CEP120: variants seen among roughly 807,000 people sequenced by gnomAD.
CEP120 encodes the protein centrosomal protein of 120 kDa.
Under a neutral mutation model 126.5 loss-of-function variants are expected in CEP120, and 113 were observed. That is an observed-to-expected ratio of 0.89 (90% CI 0.77 to 1.04). The LOEUF (loss-of-function observed/expected upper bound fraction) is 1.04. Ranked by LOEUF, CEP120 falls within the 50% of genes least tolerant of loss-of-function variation. The pLI, the probability that CEP120 is intolerant of heterozygous loss-of-function variation, is 0.00. For missense variants in CEP120, 1,230 were observed against 1,155.7 expected (o/e 1.06, Z -0.93); for synonymous variants, 400 against 394.3 (o/e 1.01, Z -0.17).
In CEP120 at chr5:123,391,244, G is replaced by C; in HGVS notation, c.904C>G (p.Pro302Ala). The change falls in exon 7 of 20, where the codon CCA becomes GCA. Residue 302 changes from proline (P) to alanine (A), a missense_variant. By Grantham distance (27) the Pro-to-Ala change is conservative. Transcript: ENST00000306467. The stretch of plus-strand genomic sequence containing the variant: ...GTAAAAGCACCTTCGACTGTGACTG[G>C]GTGCTGGTTGATTTCTGTACTGCCC... Reference protein sequence around the residue: ...KKGSTEINQHPVTVEGAFTLD... With the variant: ...KKGSTEINQHAVTVEGAFTLD... 6.2e-7 allele frequency: 1 copy of C among 1,614,108 alleles called. No homozygotes were observed. Among genetic ancestry groups the C allele is most frequent in the East Asian group, 2.2e-5 (1 of 44,870 alleles).
chr5:123,365,451 C>G (rs1770388327), intron 17 of CEP120, among the ~76,000 whole-genome samples: 1 of 151,544 alleles, frequency 6.6e-6, no homozygotes, highest in Non-Finnish European at 1.5e-5. Context: ...TTACTCTGAA[C>G]CGGTCTAATT....
intron 14 of CEP120, among the ~76,000 whole-genome samples, chr5:123,379,538 C>CTTAT (rs1455284889): frequency 6.6e-6 from 1 of 151,992 alleles, no homozygotes; most frequent in African/African-American, 2.4e-5. Flanking sequence ...TAAAATGGTA[C>CTTAT]ATAACTACCA....
chr5:123,379,381 A>C (rs1771487024), intron 14 of CEP120, among the ~76,000 whole-genome samples: 4 of 152,110 alleles, frequency 2.6e-5, no homozygotes, highest in African/African-American at 9.7e-5. Context: ...CCTCCATCAG[A>C]ATTATTGTTA....
intron 2 of CEP120, among the ~76,000 whole-genome samples, chr5:123,417,669 G>A (rs1774469431): frequency 6.6e-6 from 1 of 151,146 alleles, no homozygotes; most frequent in African/African-American, 2.4e-5. Flanking sequence ...TAATGAGTAG[G>A]TATCATCAAG....
Position 123,355,308 on chromosome 5 carries a change from G to A in CEP120, c.2581-5219C>T, listed in dbSNP as rs150503701. 6.2e-3 allele frequency among the ~76,000 whole-genome samples: 947 copies of A among 152,258 alleles called. 9 individuals carry two copies. Among genetic ancestry groups the A allele is most frequent in the African/African-American group, 0.021 (889 of 41,558 alleles). On this transcript the variant is annotated intron_variant, in intron 18 of 19. Transcript: ENST00000306467. ...TCCTTTGGGTATATACCCAGTAAGG[G>A]GATGGCTGGGTCAAATGGTATTTCT...
chr5:123,351,047 AT>A (rs1378813127), intron 18 of CEP120, among the ~76,000 whole-genome samples: 8 of 152,076 alleles, frequency 5.3e-5, no homozygotes, highest in Non-Finnish European at 7.4e-5. Flanking sequence ...TTTGTTAACT[AT>A]TTTTTTAAAG....
At chr5:123,392,913 C>T (rs976556223) in intron 6 of CEP120, among the ~76,000 whole-genome samples, 2 of 152,150 alleles carry the variant, frequency 1.3e-5, no homozygotes, top group Non-Finnish European at 2.9e-5. Context: ...CTTTTAACGG[C>T]AGTAAGGCAT....
chr5:123,375,787 C>T (rs1359897459), intron 16 of CEP120, among the ~76,000 whole-genome samples: 2 of 152,088 alleles, frequency 1.3e-5, no homozygotes, highest in East Asian at 3.9e-4. Context: ...ACTTTTACAA[C>T]TTTATCTTTT....
chr5:123,387,884 C>T (rs1772128977), intron 9 of CEP120, among the ~76,000 whole-genome samples: 1 of 151,824 alleles, frequency 6.6e-6, no homozygotes, highest in African/African-American at 2.4e-5. Context: ...TAATATAGAA[C>T]AATGTAGACA....
At chr5:123,399,030 TAAAAA>T in intron 5 of CEP120, 101 bp downstream of exon 5, 1 of 673,242 alleles carries the variant, frequency 1.5e-6, no homozygotes, top group Non-Finnish European at 2.2e-6. Context: ...TTTCAAAAGT[TAAAAA>T]AAAAAAGTCT....
rs536704506 is a variant in CEP120, at chr5:123,413,410, T to C, written c.322-870A>G. On this transcript the variant is annotated intron_variant, in intron 3 of 19. Transcript: ENST00000306467. ...GTGGATTATGAACCAGGTACTTGAC[T>C]GATACTCGAACAAAAGCCTTCTTAC... is the stretch of plus-strand genomic sequence containing the variant. 2.6e-5 allele frequency among the ~76,000 whole-genome samples: 4 copies of C among 152,316 alleles called. No individual in the cohort carries two copies. In the South Asian group the frequency reaches 8.3e-4, roughly 32 times the overall value.
intron 7 of CEP120, among the ~76,000 whole-genome samples, chr5:123,390,647 C>T (rs181010409): frequency 2.1e-3 from 325 of 151,970 alleles, no homozygotes; most frequent in African/African-American, 7.7e-3. Context: ...GGAATAGATA[C>T]AATAAAAAAA....
At chr5:123,381,105 G>A (rs1277235562) in intron 14 of CEP120, among the ~76,000 whole-genome samples, 1 of 151,998 alleles carries the variant, frequency 6.6e-6, no homozygotes, top group African/African-American at 2.4e-5. Context: ...AAGACAAATG[G>A]CCCTCCTTTA....
Position 123,372,752 on chromosome 5 carries a change from C to T in CEP120, c.2379G>A (p.Lys793=), listed in dbSNP as rs1437885592. The T allele has an allele frequency of 6.2e-7, 1 of 1,604,108 alleles. No individual in the cohort carries two copies. Among genetic ancestry groups the T allele is most frequent in the Non-Finnish European group, 8.5e-7 (1 of 1,175,326 alleles). ...LQQQLNDAEN[K]YKILEKEFQQ... ...GGAACTCTTTTTCCAAAATCTTATA[C>T]TTATTTTCAGCATCATTAAGCTGTA... Residue 793 remains lysine (K), a synonymous_variant, in exon 17 of 20, where the codon AAG becomes AAA. Transcript: ENST00000306467.
intron 4 of CEP120, among the ~76,000 whole-genome samples, chr5:123,406,836 C>T (rs1269243705): frequency 6.6e-6 from 1 of 151,620 alleles, no homozygotes; most frequent in East Asian, 1.9e-4. Flanking sequence ...ATTTTTTATT[C>T]TTAATTGATC....
At chr5:123,402,331 C>A (rs1439046001) in intron 4 of CEP120, 7 of 1,415,958 alleles carry the variant, frequency 4.9e-6, no homozygotes, top group Non-Finnish European at 6.6e-6. Context: ...TTCTGGGTCC[C>A]CTAATGGACA....
intron 9 of CEP120, among the ~76,000 whole-genome samples, chr5:123,387,616 C>T (rs945468366): frequency 4.3e-4 from 66 of 151,864 alleles, no homozygotes; most frequent in African/African-American, 1.5e-3. Context: ...ATTCAAAGAC[C>T]GAACTATTAG....
chr5:123,373,494 A>T (rs1057076421), intron 16 of CEP120, among the ~76,000 whole-genome samples: 3 of 152,110 alleles, frequency 2.0e-5, no homozygotes, highest in African/African-American at 7.2e-5. Flanking sequence ...TCCAAAGAAC[A>T]GGAGCATAAA....
intron 19 of CEP120, among the ~76,000 whole-genome samples, chr5:123,348,040 C>G (rs146617054): frequency 6.6e-6 from 1 of 152,282 alleles, no homozygotes; most frequent in Non-Finnish European, 1.5e-5. Context: ...ATACTGAACA[C>G]TACTTCCATG....
Sources: allele counts gnomAD v4.1 joint callset (sites outside exome capture counted in the v4.1 genomes callset), GRCh38; gene constraint gnomAD v4.1.1; transcripts MANE v1.5; gene names NCBI Gene and HGNC (gene_info 2026-07-23, HGNC 2026-07-21).